The following ARHGAP6 variants were observed in gnomAD, a reference collection of about 807,000 sequenced individuals.
ARHGAP6 encodes the protein rho GTPase-activating protein 6.
Under a neutral mutation model 55.7 loss-of-function variants are expected in ARHGAP6, and 16 were observed. That is an observed-to-expected ratio of 0.29 (90% confidence interval 0.19 to 0.44). ARHGAP6 has a LOEUF of 0.44. Ranked by LOEUF, ARHGAP6 falls within the 20% of genes least tolerant of loss-of-function variation. The pLI is 1.00. For missense variants in ARHGAP6, 698 were observed against 808.9 expected (o/e 0.86, Z 1.66); for synonymous variants, 382 against 360.9 (o/e 1.06, Z -0.66).
At chrX:11,411,222 T>TATATATATATATATATATAA (rs1385399573) in intron 1 of ARHGAP6, among the ~76,000 whole-genome samples, 2 of 79,552 alleles carry the variant, frequency 2.5e-5, no homozygotes, top group Admixed American at 1.5e-4. Context: ...TATATATATA[T>TATATATATATATATATATAA]AAAATATACA....
intron 1 of ARHGAP6, among the ~76,000 whole-genome samples, chrX:11,357,628 G>C (rs2048948137): frequency 9.0e-6 from 1 of 111,223 alleles, no homozygotes; most frequent in Non-Finnish European, 1.9e-5. Context: ...CCCCAAAGCT[G>C]CATTACTTTT....
intron 1 of ARHGAP6, among the ~76,000 whole-genome samples, chrX:11,655,713 G>A (rs1227103412): frequency 1.8e-5 from 2 of 111,720 alleles, no homozygotes; most frequent in Admixed American, 9.5e-5. Context: ...CTGCCATGTC[G>A]TAACATAGTT....
chrX:11,222,105 A>G (rs1436685701), intron 2 of ARHGAP6, among the ~76,000 whole-genome samples: 1 of 112,240 alleles, frequency 8.9e-6, no homozygotes, highest in Non-Finnish European at 1.9e-5. Flanking sequence ...GTAGAAAAGT[A>G]AAGACAACTT....
chrX:11,553,075 C>T (rs758159914), intron 1 of ARHGAP6, among the ~76,000 whole-genome samples: 11 of 111,130 alleles, frequency 9.9e-5, no homozygotes, highest in Non-Finnish European at 2.1e-4. Flanking sequence ...ACGTTAAAAA[C>T]AAGACCAGGG....
intron 6 of ARHGAP6, among the ~76,000 whole-genome samples, chrX:11,180,430 T>C (rs1460616473): frequency 9.1e-6 from 1 of 110,381 alleles, no homozygotes; most frequent in Non-Finnish European, 1.9e-5. Flanking sequence ...GCTCACAAAA[T>C]ACACTAGTGA....
chrX:11,176,143 T>C (rs2147323995), intron 8 of ARHGAP6, among the ~76,000 whole-genome samples: 1 of 96,938 alleles, frequency 1.0e-5, no homozygotes, highest in African/African-American at 3.7e-5. Context: ...TGTGGGTTGC[T>C]AGGTAAGTTA....
chrX:11,167,398 CTATGAGAAG>C (rs2046031586), intron 9 of ARHGAP6, among the ~76,000 whole-genome samples: 1 of 110,867 alleles, frequency 9.0e-6, no homozygotes. Context: ...GGAAAGGCCT[CTATGAGAAG>C]TAAAGACTAT....
At chrX:11,527,059 T>TGTGTG (rs2050997989) in intron 1 of ARHGAP6, among the ~76,000 whole-genome samples, 1 of 105,194 alleles carries the variant, frequency 9.5e-6, no homozygotes, top group African/African-American at 3.6e-5. Flanking sequence ...TGTGTGTGTG[T>TGTGTG]CTTTTAGTCC....
At chrX:11,483,529 G>A (rs2050480173) in intron 1 of ARHGAP6, among the ~76,000 whole-genome samples, 1 of 111,771 alleles carries the variant, frequency 8.9e-6, no homozygotes, top group African/African-American at 3.3e-5. Flanking sequence ...CTGCAATCAT[G>A]AGCATGAACT....
At chrX:11,223,229 C>T (rs2046996670) in intron 2 of ARHGAP6, 1 of 156,667 alleles carries the variant, frequency 6.4e-6, no homozygotes, top group Non-Finnish European at 1.3e-5. Context: ...ACGAAACAAA[C>T]AACAAAATTA....
intron 2 of ARHGAP6, among the ~76,000 whole-genome samples, chrX:11,250,563 T>C (rs2047410052): frequency 9.0e-6 from 1 of 111,712 alleles, no homozygotes; most frequent in African/African-American, 3.3e-5. Flanking sequence ...TTGGGAAGAA[T>C]TTGTCCCTTT....
At chrX:11,351,468 G>A (rs1202229091) in intron 1 of ARHGAP6, 14 of 958,633 alleles carry the variant, frequency 1.5e-5, no homozygotes, top group African/African-American at 2.0e-5. Context: ...GAAGGCTAGA[G>A]AAGGATTCCT....
intron 2 of ARHGAP6, among the ~76,000 whole-genome samples, chrX:11,210,453 A>G (rs1446198368): frequency 8.9e-6 from 1 of 112,787 alleles, no homozygotes; most frequent in African/African-American, 3.2e-5. Flanking sequence ...ATTCTTTTGC[A>G]TGTGAATTTC....
chrX:11,167,032 A>C (rs754100320), intron 9 of ARHGAP6, among the ~76,000 whole-genome samples: 1 of 112,079 alleles, frequency 8.9e-6, no homozygotes, highest in Admixed American at 9.5e-5. Flanking sequence ...TAATTTCTCC[A>C]TGCCCAAATC....
chrX:11,550,116 G>T (rs1361331804), intron 1 of ARHGAP6, among the ~76,000 whole-genome samples: 3 of 112,066 alleles, frequency 2.7e-5, no homozygotes, highest in Non-Finnish European at 5.6e-5. Flanking sequence ...ATGCTTATAT[G>T]GACTTCAATA....
At chrX:11,502,723 GC>G (rs2050692121) in intron 1 of ARHGAP6, among the ~76,000 whole-genome samples, 1 of 110,672 alleles carries the variant, frequency 9.0e-6, no homozygotes, top group African/African-American at 3.3e-5. Flanking sequence ...TTTCTTAATA[GC>G]ATTTTCTTTT....
intron 1 of ARHGAP6, among the ~76,000 whole-genome samples, chrX:11,480,805 T>A (rs755277833): frequency 5.4e-5 from 6 of 111,573 alleles, no homozygotes; most frequent in Admixed American, 2.9e-4. Flanking sequence ...TCATCAGAGT[T>A]ATTGAGTCTC....
chrX:11,497,171 TTAAG>T (rs1437038635), intron 1 of ARHGAP6, among the ~76,000 whole-genome samples: 1 of 112,091 alleles, frequency 8.9e-6, no homozygotes, highest in African/African-American at 3.2e-5. Context: ...AGCCTGTATT[TTAAG>T]TAAGATCATC....
At chrX:11,355,297 G>A (rs1429626328) in intron 1 of ARHGAP6, among the ~76,000 whole-genome samples, 3 of 112,496 alleles carry the variant, frequency 2.7e-5, no homozygotes, top group Non-Finnish European at 5.6e-5. Context: ...ATACGCCTTT[G>A]AAAGACATTG....
Sources: allele counts gnomAD v4.1 joint callset (sites outside exome capture counted in the v4.1 genomes callset), GRCh38; gene constraint gnomAD v4.1.1; transcripts MANE v1.5; gene names NCBI Gene and HGNC (gene_info 2026-07-23, HGNC 2026-07-21).